Variants in SYT17 observed in about 807,000 individuals in gnomAD.
SYT17 encodes the protein synaptotagmin 17, also known as synaptotagmin-17.
A neutral mutation model predicts 46.7 loss-of-function variants in SYT17; 22 were observed. The ratio of observed to expected loss-of-function variants is 0.47; its 90% CI spans 0.34 to 0.67. SYT17 has a LOEUF of 0.67. Among genes scored for constraint, SYT17 ranks in the 30% least tolerant of loss-of-function variants. SYT17 has a pLI of 0.01. For synonymous variants in SYT17, 251 were observed against 248.4 expected (o/e 1.01, Z -0.10); for missense variants, 519 against 612.8 (o/e 0.85, Z 1.62).
chr16:19,168,691 G>T lies in SYT17; in HGVS notation c.15+30G>T. ...GGCTGAGGCTGGGGGCAAGGTCCGG[G>T]GTGCGGGTAGGGGGTGCCGCGCCCC... On this transcript the variant is annotated intron_variant, in intron 1 of 7. Coordinates refer to ENST00000355377, the MANE Select transcript of SYT17 (RefSeq NM_016524.4). The surrounding 1 kb of genome is among the most constrained non-coding windows in gnomAD (Gnocchi z 6.9). The T allele has an allele frequency of 6.7e-7, 1 of 1,489,938 alleles. No homozygotes were observed. The highest frequency in any genetic ancestry group is 9.0e-7 in the Non-Finnish European group (1 of 1,116,384). The allele number at this position is 1,489,938 out of a possible 1,614,324, so 92.3% of individuals were successfully genotyped here.
intron 5 of SYT17, among the ~76,000 whole-genome samples, chr16:19,219,120 A>AACACCCATGTGTCCATCTCCCAGAT (rs1174107969): frequency 9.4e-5 from 6 of 63,658 alleles, no homozygotes; most frequent in African/African-American, 2.6e-4. Flanking sequence ...TAATAAAACA[A>AACACCCATGTGTCCATCTCCCAGAT]GGCCGGGCGC....
chr16:19,253,096 C>A (rs1968304246), intron 7 of SYT17, among the ~76,000 whole-genome samples: 1 of 152,168 alleles, frequency 6.6e-6, no homozygotes, highest in African/African-American at 2.4e-5. Context: ...AAACTACAGC[C>A]CACTTCCTGA....
chr16:19,241,243 G>T (rs547910885), intron 7 of SYT17, among the ~76,000 whole-genome samples: 1 of 152,030 alleles, frequency 6.6e-6, no homozygotes, highest in East Asian at 1.9e-4. Context: ...CACCGCGCCC[G>T]GCCCCCTAGG....
intron 7 of SYT17, among the ~76,000 whole-genome samples, chr16:19,226,566 A>G (rs1567221273): frequency 6.6e-6 from 1 of 152,172 alleles, no homozygotes; most frequent in East Asian, 1.9e-4. Context: ...TGCCTGCCAT[A>G]TGCAGATATA....
At chr16:19,170,053 G>GTC (rs1964021668) in intron 1 of SYT17, 1 of 152,178 alleles carries the variant, frequency 6.6e-6, no homozygotes, top group African/African-American at 2.4e-5. Flanking sequence ...CTCATATGGC[G>GTC]ATGACCCAGT....
chr16:19,250,117 T>C (rs1018887261), intron 7 of SYT17: 5 of 1,463,122 alleles, frequency 3.4e-6, no homozygotes, highest in Non-Finnish European at 4.5e-6. Context: ...TTAAAGGCTT[T>C]GGTTTAACAT....
chr16:19,222,044 G>A (rs1966337455), intron 5 of SYT17, among the ~76,000 whole-genome samples: 1 of 152,110 alleles, frequency 6.6e-6, no homozygotes, highest in African/African-American at 2.4e-5. Flanking sequence ...AATATGACTG[G>A]AAATTTCCCA....
chr16:19,198,845 A>G (rs531283299), intron 5 of SYT17, among the ~76,000 whole-genome samples: 10 of 152,392 alleles, frequency 6.6e-5, no homozygotes, highest in Non-Finnish European at 1.2e-4. Context: ...CATTACCATG[A>G]TAATTACATT....
Position 19,245,265 on chromosome 16 carries a change from C to A in SYT17, c.1228+20427C>A, listed in dbSNP as rs550368142. 2.0e-5 allele frequency among the ~76,000 whole-genome samples: 3 copies of A among 152,306 alleles called. No individual in the cohort carries two copies. In the South Asian group the frequency reaches 6.2e-4, roughly 32 times the overall value. On this transcript the variant is annotated intron_variant, in intron 7 of 7. Coordinates refer to ENST00000355377, the MANE Select transcript of SYT17 (RefSeq NM_016524.4). ...ATGTCTGGAGGCATTTTTATTGTCA[C>A]AGCTCAGGGATGCTACTGGCATCTA...
intron 5 of SYT17, among the ~76,000 whole-genome samples, chr16:19,186,950 T>A (rs1443636395): frequency 6.6e-6 from 1 of 152,218 alleles, no homozygotes; most frequent in Admixed American, 6.5e-5. Flanking sequence ...AAAGACAGTT[T>A]GGTAAACAGC....
chr16:19,217,692 A>G (rs229028), intron 5 of SYT17, among the ~76,000 whole-genome samples: 104,637 of 152,084 alleles, frequency 0.69, 38,138 homozygotes, highest in African/African-American at 0.93. Context: ...CATGTTTCCT[A>G]TTCTCTTAGG....
chr16:19,259,393 T>C (rs961553764), intron 7 of SYT17, among the ~76,000 whole-genome samples: 15 of 152,194 alleles, frequency 9.9e-5, no homozygotes, highest in African/African-American at 3.6e-4. Context: ...GGATTCATGA[T>C]CATAATTATA....
intron 7 of SYT17, among the ~76,000 whole-genome samples, chr16:19,232,966 G>A (rs374277077): frequency 6.6e-5 from 10 of 152,268 alleles, no homozygotes; most frequent in East Asian, 5.8e-4. Flanking sequence ...CTGATGCCCC[G>A]TTCCCAGAAC....
intron 7 of SYT17, among the ~76,000 whole-genome samples, chr16:19,250,936 G>A (rs1344733292): frequency 6.6e-6 from 1 of 151,976 alleles, no homozygotes; most frequent in African/African-American, 2.4e-5. Context: ...TATTCATTTT[G>A]CCTCTTTTTG....
chr16:19,256,900 G>T lies in SYT17; in HGVS notation c.1229-9980G>T, dbSNP rs555774649. The stretch of plus-strand genomic sequence containing the variant: ...GCCTCTTCTTTTTGAGATAAAGGAA[G>T]AAATTAGGCTGGACTTTGAGTTTCA... On this transcript the variant is annotated intron_variant, in intron 7 of 7. Transcript: ENST00000355377. 3.3e-5 allele frequency among the ~76,000 whole-genome samples: 5 copies of T among 152,242 alleles called. No individual in the cohort carries two copies. In the South Asian group the frequency reaches 8.3e-4, roughly 25 times the overall value.
chr16:19,183,494 G>T lies in SYT17; in HGVS notation c.332-34G>T. On this transcript the variant is annotated intron_variant, in intron 4 of 7. Coordinates refer to ENST00000355377, the MANE Select transcript of SYT17 (RefSeq NM_016524.4). This position sits in a 1 kb window ranked among gnomAD's most constrained non-coding sequence, Gnocchi z 5.6. Reference sequence around the variant, plus strand: ...AGTGGCCCAGGTCTGCCCCGTATGTGGCTGTCTTCATTGTTATTTCTGGTG... The same window carrying T: ...AGTGGCCCAGGTCTGCCCCGTATGTTGCTGTCTTCATTGTTATTTCTGGTG... 1 of 1,610,484 alleles carries T rather than the reference G, an allele frequency of 6.2e-7. No individual in the cohort carries two copies. The highest frequency in any genetic ancestry group is 8.5e-7 in the Non-Finnish European group (1 of 1,177,518).
At chr16:19,180,607 T>C (rs759764666) in intron 4 of SYT17, 68 bp downstream of exon 4, 364 of 1,589,756 alleles carry the variant, frequency 2.3e-4, no homozygotes, top group Non-Finnish European at 2.9e-4. Flanking sequence ...CCACGGAGAG[T>C]CATGAAGGGC....
intron 7 of SYT17, 109 bp downstream of exon 7, chr16:19,224,947 G>A (rs1356392548): frequency 1.6e-6 from 2 of 1,266,960 alleles, no homozygotes; most frequent in African/African-American, 1.5e-5. Flanking sequence ...GTAATGTCTG[G>A]CATTCAACTA....
At chr16:19,243,366 C>T (rs551441971) in intron 7 of SYT17, among the ~76,000 whole-genome samples, 26 of 152,238 alleles carry the variant, frequency 1.7e-4, no homozygotes, top group African/African-American at 5.5e-4. Context: ...GCTTTGGGAT[C>T]TTATTCTGCT....
Sources: allele counts gnomAD v4.1 joint callset (sites outside exome capture counted in the v4.1 genomes callset), GRCh38; gene constraint gnomAD v4.1.1; non-coding constraint Gnocchi (gnomAD v3.1); transcripts MANE v1.5; gene names NCBI Gene and HGNC (gene_info 2026-07-23, HGNC 2026-07-21).